SPON1: variants seen among roughly 807,000 people sequenced by gnomAD.
The protein encoded by SPON1 is spondin-1.
SPON1 carries 52 observed loss-of-function variants against 111.7 expected under a neutral mutation model. The observed-to-expected ratio is 0.47, with a 90% CI of 0.37 to 0.59. SPON1 has a LOEUF of 0.59. SPON1 is among the 20% of genes least tolerant of loss of function. SPON1 has a pLI of 0.00. For synonymous variants in SPON1, 410 were observed against 395.8 expected, an observed-to-expected ratio of 1.04 and a Z score of -0.43; for missense variants, 957 against 1,068.5, an observed-to-expected ratio of 0.90 and a Z score of 1.46.
chr11:13,966,220 G>A (rs978463742), intron 1 of SPON1, among the ~76,000 whole-genome samples: 2 of 151,616 alleles, frequency 1.3e-5, no homozygotes, highest in African/African-American at 4.9e-5. Context: ...TCCCTCCAAC[G>A]GCAATAATTG....
intron 2 of SPON1, among the ~76,000 whole-genome samples, chr11:14,017,422 T>C (rs1166775047): frequency 6.6e-6 from 1 of 152,264 alleles, no homozygotes; most frequent in Non-Finnish European, 1.5e-5. Context: ...TTTAGTAATC[T>C]ATGAATAAAG....
intron 1 of SPON1, among the ~76,000 whole-genome samples, chr11:13,978,102 CA>C (rs1221509975): frequency 3.3e-5 from 5 of 152,130 alleles, no homozygotes; most frequent in African/African-American, 1.2e-4. Flanking sequence ...CTAAGCTGAT[CA>C]ACTGGCCCAT....
At chr11:14,027,694 G>T (rs1282727815) in intron 2 of SPON1, among the ~76,000 whole-genome samples, 1 of 152,220 alleles carries the variant, frequency 6.6e-6, no homozygotes, top group Non-Finnish European at 1.5e-5. Flanking sequence ...GCAGGATAGA[G>T]AGATGTATGT....
rs1446624991 is a variant in SPON1 at position 14,073,433 on chromosome 11, G to T, written c.480-1912G>T. On this transcript the variant is annotated intron_variant, in intron 3 of 15. Coordinates refer to ENST00000576479, the MANE Select transcript of SPON1 (RefSeq NM_006108.4). ...TTCAGATTTTAGATTTTCAGATTAGGCTTGTATAATCTGTACTACCTCCCT... is the reference window on the plus strand; with the variant it reads ...TTCAGATTTTAGATTTTCAGATTAGTCTTGTATAATCTGTACTACCTCCCT... Among the ~76,000 whole-genome samples, 3 of 152,130 alleles carry T rather than the reference G, an allele frequency of 2.0e-5. No homozygotes were observed. In the East Asian group the frequency reaches 5.8e-4, roughly 29 times the overall value.
intron 2 of SPON1, among the ~76,000 whole-genome samples, chr11:13,986,729 A>AT (rs2133783963): frequency 6.6e-6 from 1 of 151,756 alleles, no homozygotes; most frequent in East Asian, 1.9e-4. Context: ...CGACCCCCCG[A>AT]CAGACCCTGG....
In SPON1 at chr11:14,267,786, AATAAAG is replaced by A. The variant is rs1849288639; in HGVS notation, c.*2102_*2107del. On this transcript the variant is annotated 3_prime_UTR_variant, in exon 16 of 16. Coordinates refer to ENST00000576479, the MANE Select transcript of SPON1 (RefSeq NM_006108.4). Reference sequence around the variant, plus strand: ...CTTTTGGCTAACAAATCATTTTGGAAATAAAGATTTTTTACTACAAAAATGAAATTT... The same window carrying A: ...CTTTTGGCTAACAAATCATTTTGGAAATTTTTTACTACAAAAATGAAATTT... 1 of 152,242 alleles carries A rather than the reference AATAAAG, an allele frequency of 6.6e-6. No individual in the cohort carries two copies. Among genetic ancestry groups the A allele is most frequent in the African/African-American group, 2.4e-5 (1 of 41,462 alleles). The allele number at this position is 152,242 out of a possible 1,614,324, so 9.4% of individuals were successfully genotyped here.
At chr11:14,254,791 GAC>G in intron 8 of SPON1, 62 bp downstream of exon 8, 1 of 1,515,026 alleles carries the variant, frequency 6.6e-7, no homozygotes, top group South Asian at 1.2e-5. Context: ...GAGTGTCCTG[GAC>G]ACAGAGGGGA....
intron 2 of SPON1, among the ~76,000 whole-genome samples, chr11:13,991,062 C>G (rs530629052): frequency 6.6e-6 from 1 of 152,212 alleles, no homozygotes; most frequent in Admixed American, 6.5e-5. Context: ...TGGGGTTGCT[C>G]TTCTCGAGGA....
At chr11:14,143,097 G>A (rs373868949) in intron 6 of SPON1, among the ~76,000 whole-genome samples, 4 of 152,334 alleles carry the variant, frequency 2.6e-5, no homozygotes, top group African/African-American at 7.2e-5. Context: ...CAGTTTTGGT[G>A]ACTCTTAGTG....
At chr11:14,105,695 A>T (rs1048251413) in intron 5 of SPON1, among the ~76,000 whole-genome samples, 3 of 152,008 alleles carry the variant, frequency 2.0e-5, no homozygotes, top group Non-Finnish European at 4.4e-5. Flanking sequence ...TGAGTTTCTC[A>T]TGATGATATG....
intron 6 of SPON1, among the ~76,000 whole-genome samples, chr11:14,213,342 CAG>C (rs1451100567): frequency 1.3e-5 from 2 of 151,218 alleles, no homozygotes; most frequent in Non-Finnish European, 1.5e-5. Context: ...TAGTCTCAGA[CAG>C]AGAGAAATGT....
chr11:14,184,473 TG>T (rs1848265258), intron 6 of SPON1, among the ~76,000 whole-genome samples: 1 of 152,194 alleles, frequency 6.6e-6, no homozygotes, highest in Non-Finnish European at 1.5e-5. Context: ...AAGCATCAAA[TG>T]GTTGAGGGGG....
chr11:14,124,386 T>A (rs1847431945), intron 5 of SPON1, among the ~76,000 whole-genome samples: 1 of 152,228 alleles, frequency 6.6e-6, no homozygotes, highest in Admixed American at 6.5e-5. Context: ...GGACACCTCC[T>A]CTGGAACCAT....
intron 6 of SPON1, among the ~76,000 whole-genome samples, chr11:14,164,187 C>A (rs1017116045): frequency 1.1e-4 from 17 of 152,180 alleles, no homozygotes; most frequent in Admixed American, 5.2e-4. Flanking sequence ...TAGCCTATAT[C>A]CAAGATGGTT....
chr11:14,123,701 A>G (rs528445150), intron 5 of SPON1, among the ~76,000 whole-genome samples: 17 of 152,308 alleles, frequency 1.1e-4, no homozygotes, highest in African/African-American at 4.1e-4. Flanking sequence ...CCTCTCTGGC[A>G]TTCTAGCCCA....
intron 6 of SPON1, among the ~76,000 whole-genome samples, chr11:14,225,903 G>A (rs1020576240): frequency 6.6e-6 from 1 of 152,000 alleles, no homozygotes; most frequent in Non-Finnish European, 1.5e-5. Flanking sequence ...TTTCTTGCTG[G>A]GCCTAAATCA....
Position 14,228,180 on chromosome 11 carries a change from G to C in SPON1, c.826-15152G>C, listed in dbSNP as rs1427544040. Reference sequence around the variant, plus strand: ...CGTAGCCTGGGTCCTTCCGAGTTTGGTATGCATACACCAGGGCCCTTTGGG... The same window carrying C: ...CGTAGCCTGGGTCCTTCCGAGTTTGCTATGCATACACCAGGGCCCTTTGGG... On this transcript the variant is annotated intron_variant, in intron 6 of 15. Transcript: ENST00000576479. The surrounding 1 kb of genome is among the most constrained non-coding windows in gnomAD (Gnocchi z 4.2). 2.6e-5 allele frequency among the ~76,000 whole-genome samples: 4 copies of C among 152,168 alleles called. No individual in the cohort carries two copies. The highest frequency in any genetic ancestry group is 4.4e-5 in the Non-Finnish European group (3 of 68,030).
chr11:14,215,309 T>A (rs782142141), intron 6 of SPON1, among the ~76,000 whole-genome samples: 2 of 152,180 alleles, frequency 1.3e-5, no homozygotes, highest in Non-Finnish European at 2.9e-5. Context: ...CCTCCTTAGG[T>A]GACCTGGGTT....
At position 14,243,406 on chromosome 11, in the gene SPON1, A is replaced by G; in HGVS notation, c.890+10A>G. 6.4e-7 allele frequency: 1 copy of G among 1,564,760 alleles called. No individual in the cohort carries two copies. The highest frequency in any genetic ancestry group is 1.2e-5 in the South Asian group (1 of 84,816). ...GGCAGCCTCTCAACGTGTAAGTAAC[A>G]CAAGTCCCTTGCCTGGCCTGTCTTA... On this transcript the variant is annotated intron_variant, in intron 7 of 15. Transcript: ENST00000576479.
Sources: gnomAD v4.1 joint callset for allele counts (sites outside exome capture counted in the v4.1 genomes callset) on GRCh38, gnomAD v4.1.1 for gene constraint, Gnocchi (gnomAD v3.1) non-coding constraint, MANE v1.5 for transcripts, NCBI Gene and HGNC (gene_info 2026-07-23, HGNC 2026-07-21) for gene names.